Variants in ALG13 observed in about 807,000 individuals in gnomAD.
The protein encoded by ALG13 is ALG13 UDP-N-acetylglucosaminyltransferase subunit, also known as UDP-N-acetylglucosamine transferase subunit ALG13.
A neutral mutation model predicts 87.8 loss-of-function variants in ALG13; 11 were observed. The ratio of observed to expected loss-of-function variants is 0.13; its 90% CI spans 0.08 to 0.21. ALG13 has a LOEUF of 0.21. Ranked by LOEUF, ALG13 falls within the 10% of genes least tolerant of loss-of-function variation. The pLI, the probability that ALG13 is intolerant of heterozygous loss-of-function variation, is 1.00. For synonymous variants in ALG13, 320 were observed against 306.3 expected, an observed-to-expected ratio of 1.04 and a Z score of -0.47; for missense variants, 756 against 866.1, an observed-to-expected ratio of 0.87 and a Z score of 1.60.
chrX:111,688,842 A>G (rs891888575), intron 3 of ALG13: 167 of 750,394 alleles, frequency 2.2e-4, no homozygotes, highest in Non-Finnish European at 2.6e-4. Context: ...AAGATACATT[A>G]TGAAGTTCTT....
intron 5 of ALG13, among the ~76,000 whole-genome samples, chrX:111,709,320 A>G: frequency 8.9e-6 from 1 of 112,347 alleles, no homozygotes; most frequent in Non-Finnish European, 1.9e-5. Context: ...CTAAAAAGTT[A>G]TGTTTTGATT....
intron 21 of ALG13, among the ~76,000 whole-genome samples, chrX:111,732,123 C>T (rs983511703): frequency 2.7e-5 from 3 of 111,631 alleles, no homozygotes; most frequent in Admixed American, 9.5e-5. Flanking sequence ...CCTTTCATTC[C>T]TGCCTGCAAA....
intron 11 of ALG13, among the ~76,000 whole-genome samples, chrX:111,721,070 TAAG>T (rs766497575): frequency 9.8e-5 from 10 of 102,129 alleles, no homozygotes; most frequent in African/African-American, 3.2e-4. Flanking sequence ...TTTTTTTTTT[TAAG>T]AAGGAAGAAA....
rs763877039 is a variant in ALG13, at chrX:111,730,421, C to T, written c.2395C>T (p.Arg799Cys). 1.5e-5 allele frequency: 18 copies of T among 1,206,788 alleles called. No individual in the cohort carries two copies. Among genetic ancestry groups the T allele is most frequent in the Middle Eastern group, 2.3e-4 (1 of 4,287 alleles). The change falls in exon 20 of 27, where the codon CGT (arginine) becomes TGT (cysteine). Residue 799 changes from arginine to cysteine, a missense_variant. This residue lies in a region of ALG13 where 362 missense variants were observed against 383.5 expected (regional missense o/e 0.94). Transcript: ENST00000394780. The stretch of plus-strand genomic sequence containing the variant: ...GCGATATCATGAAGAATATCTTTAT[C>T]GTGCAGGTCAGTAAGATCTAGAAGT... The part of the protein sequence containing the change: ...NGRYHEEYLY[R>C]AEPDYETSGV...
rs1378047754 is a variant in ALG13, at chrX:111,760,317, G to A, written c.*318G>A. On this transcript the variant is annotated 3_prime_UTR_variant, in exon 27 of 27. Transcript: ENST00000394780. Reference sequence around the variant, plus strand: ...TACCAATTGATAAAATGAATATAAAGTATTTCATTGGTTCAAAAATCACAC... The same window carrying A: ...TACCAATTGATAAAATGAATATAAAATATTTCATTGGTTCAAAAATCACAC... The A allele has an allele frequency of 5.1e-6, 1 of 196,236 alleles. No individual in the cohort carries two copies. The highest frequency in any genetic ancestry group is 3.0e-5 in the African/African-American group (1 of 33,680). The allele number at this position is 196,236 out of a possible 1,213,427, so 16.2% of individuals were successfully genotyped here. A position where few individuals can be genotyped will look rare whatever the true frequency, so the allele number is the denominator to read the frequency against.
intron 8 of ALG13, among the ~76,000 whole-genome samples, chrX:111,715,074 A>G (rs748605541): frequency 6.2e-5 from 7 of 112,193 alleles, no homozygotes; most frequent in African/African-American, 1.6e-4. Context: ...AGTTCCTACA[A>G]TTACACAGTT....
In ALG13 at chrX:111,708,456, G is replaced by T. The variant is rs1459524877; in HGVS notation, c.750+63G>T. On this transcript the variant is annotated intron_variant, in intron 4 of 26. Transcript: ENST00000394780. The stretch of plus-strand genomic sequence containing the variant: ...AGAGTTTGAGACATGGGATGGTCCT[G>T]TAGTTTGCCAGAAGAAACAAAAAAA... 9 of 1,131,359 alleles carry T rather than the reference G, an allele frequency of 8.0e-6. No individual in the cohort carries two copies. The East Asian group carries it at 2.7e-4, about 34-fold the overall frequency. 93.2% of individuals were successfully genotyped at this position (1,131,359 alleles called of 1,213,427 possible).
chrX:111,732,490 T>C (rs983437969), intron 21 of ALG13, among the ~76,000 whole-genome samples: 11 of 111,876 alleles, frequency 9.8e-5, no homozygotes, highest in Admixed American at 9.5e-4. Context: ...GATGGACACA[T>C]GCCATCATGA....
At position 111,726,891 on chromosome X, in the gene ALG13, C is replaced by T. The variant is rs768241839; in HGVS notation, c.1812C>T (p.Tyr604=). 2.6e-5 allele frequency: 32 copies of T among 1,209,088 alleles called. No individual in the cohort carries two copies. The highest frequency in any genetic ancestry group is 1.3e-4 in the Admixed American group (6 of 45,677). ...AAGAAGTTTACATGACTATGGCTTA[C>T]GGCAAGGGAGACCCCCTCCTCCCAC... is the stretch of plus-strand genomic sequence containing the variant. ...RGKEVYMTMA[Y]GKGDPLLPPR... is the part of the protein sequence containing the mutation. The change falls in exon 16 of 27, where the codon TAC becomes TAT. Residue 604 remains tyrosine (Y), a synonymous_variant. Transcript: ENST00000394780.
intron 4 of ALG13, 47 bp downstream of exon 4, chrX:111,708,440 G>A: frequency 8.6e-7 from 1 of 1,164,171 alleles, no homozygotes; most frequent in Non-Finnish European, 1.2e-6. Context: ...CAGAGTTTGA[G>A]ACATGGGATG....
Position 111,726,913 on chromosome X carries a change from C to A in ALG13, c.1834C>A (p.Pro612Thr). Reference sequence around the variant, plus strand: ...TTACGGCAAGGGAGACCCCCTCCTCCCACCCAGGCTGCAGCACAGTATGCA... The same window carrying A: ...TTACGGCAAGGGAGACCCCCTCCTCACACCCAGGCTGCAGCACAGTATGCA... ...MAYGKGDPLL[P>T]PRLQHSMHYG... The change falls in exon 16 of 27, where the codon CCA (proline) becomes ACA (threonine). Residue 612 changes from proline to threonine, a missense_variant. Around this residue, in one of 9 missense-constraint regions of ALG13, gnomAD observed 362 missense variants for 383.5 expected, o/e 0.94. Coordinates refer to ENST00000394780, the MANE Select transcript of ALG13 (RefSeq NM_001099922.3). The A allele has an allele frequency of 8.3e-7, 1 of 1,211,537 alleles. No individual in the cohort carries two copies. Among genetic ancestry groups the A allele is most frequent in the East Asian group, 3.0e-5 (1 of 33,835 alleles).
chrX:111,690,130 C>T (rs886064652), intron 3 of ALG13: 4 of 750,004 alleles, frequency 5.3e-6, no homozygotes, highest in Non-Finnish European at 6.3e-6. Context: ...TTAATCACCA[C>T]ATTTACATCT....
chrX:111,709,903 C>T (rs1348946148), intron 5 of ALG13, among the ~76,000 whole-genome samples: 1 of 111,690 alleles, frequency 9.0e-6, no homozygotes, highest in Non-Finnish European at 1.9e-5. Context: ...AGTAACATTA[C>T]TTCAAATGCA....
chrX:111,725,133 T>A, intron 15 of ALG13, 72 bp downstream of exon 15: 1 of 1,110,990 alleles, frequency 9.0e-7, no homozygotes, highest in Admixed American at 2.4e-5. Flanking sequence ...CATTGTACTA[T>A]TTTTTAAATG....
chrX:111,745,955 A>T (rs1455706593), intron 24 of ALG13, among the ~76,000 whole-genome samples: 1 of 111,663 alleles, frequency 9.0e-6, no homozygotes, highest in African/African-American at 3.2e-5. Flanking sequence ...CTATGACAAT[A>T]TTCAAACATT....
At chrX:111,688,135 G>A in intron 3 of ALG13, 1 of 856,808 alleles carries the variant, frequency 1.2e-6, no homozygotes. Flanking sequence ...AGAATGTATA[G>A]GAAATTTTAT....
At chrX:111,741,904 T>C (rs183305835) in intron 23 of ALG13, among the ~76,000 whole-genome samples, 1 of 112,035 alleles carries the variant, frequency 8.9e-6, no homozygotes, top group Admixed American at 9.5e-5. Flanking sequence ...GAAATGTTAA[T>C]GTAGACACTA....
chrX:111,731,338 G>T (rs1031784649), intron 21 of ALG13, among the ~76,000 whole-genome samples: 17 of 111,893 alleles, frequency 1.5e-4, no homozygotes, highest in African/African-American at 4.9e-4. Flanking sequence ...CCAGTTTACA[G>T]TGCTGAAGCA....
chrX:111,700,628 G>A (rs1937660714), intron 3 of ALG13, among the ~76,000 whole-genome samples: 1 of 106,826 alleles, frequency 9.4e-6, no homozygotes, highest in South Asian at 4.3e-4. Context: ...CCAGGCTGGA[G>A]TGCAATGGCG....
Sources: allele counts gnomAD v4.1 joint callset (sites outside exome capture counted in the v4.1 genomes callset), GRCh38; gene constraint gnomAD v4.1.1; regional missense constraint gnomAD v4.1.1; transcripts MANE v1.5; gene names NCBI Gene and HGNC (gene_info 2026-07-23, HGNC 2026-07-21).